The following ADAMTSL1 variants were observed in gnomAD, a reference collection of about 807,000 sequenced individuals.
The protein encoded by ADAMTSL1 is ADAMTS like 1.
In ADAMTSL1, 126 loss-of-function variants were observed where a neutral mutation model predicts 201.8. The observed-to-expected ratio is 0.62, with a 90% confidence interval of 0.54 to 0.72. The LOEUF is 0.72. Ranked by LOEUF, ADAMTSL1 falls within the 30% of genes least tolerant of loss-of-function variation. The probability of loss-of-function intolerance (pLI) is 0.00; values close to 1 mark genes in which losing one functional copy is unlikely to be tolerated. For missense variants in ADAMTSL1, 2,679 were observed against 2,277.8 expected, an observed-to-expected ratio of 1.18 and a Z score of -3.59; for synonymous variants, 1,121 against 903.4, an observed-to-expected ratio of 1.24 and a Z score of -4.32.
At chr9:18,211,566 C>T (rs1361947248) in intron 2 of ADAMTSL1, among the ~76,000 whole-genome samples, 1 of 152,222 alleles carries the variant, frequency 6.6e-6, no homozygotes, top group African/African-American at 2.4e-5. Flanking sequence ...AAATCTTCTG[C>T]TGACAGACCA....
intron 26 of ADAMTSL1, among the ~76,000 whole-genome samples, chr9:18,895,738 G>C (rs762816606): frequency 1.3e-5 from 2 of 152,188 alleles, no homozygotes; most frequent in African/African-American, 4.8e-5. Context: ...CAGCTAATCA[G>C]TGATGGATTG....
intron 4 of ADAMTSL1, 42 bp from the exon 5 acceptor site, chr9:18,622,201 G>A (rs200661501): frequency 5.3e-4 from 846 of 1,602,046 alleles, no homozygotes; most frequent in Non-Finnish European, 6.5e-4. Context: ...TTTTGCCATC[G>A]GTAGGTGCTT....
chr9:18,464,639 T>G (rs1279264405), intron 2 of ADAMTSL1, among the ~76,000 whole-genome samples: 5 of 152,354 alleles, frequency 3.3e-5, no homozygotes, highest in African/African-American at 1.2e-4. Context: ...AAACAATGTT[T>G]TCATCACCAT....
At chr9:18,372,509 G>A (rs1232263436) in intron 2 of ADAMTSL1, among the ~76,000 whole-genome samples, 1 of 152,096 alleles carries the variant, frequency 6.6e-6, no homozygotes, top group East Asian at 1.9e-4. Flanking sequence ...GGGGACAGAG[G>A]CTTCCCCAAG....
rs1206193097 is a variant in ADAMTSL1, at chr9:18,230,638, G to T, written c.207+66657G>T. On this transcript the variant is annotated intron_variant, in intron 2 of 29. Transcript: ENST00000680146. ...AATCTAGAGAAGAATTACTCTAAGA[G>T]GGGTCCTGGGAGCCATATGCATATC... Among the ~76,000 whole-genome samples, 5 of 152,102 alleles carry T rather than the reference G, an allele frequency of 3.3e-5. No individual in the cohort carries two copies. The South Asian group carries it at 8.3e-4, about 25-fold the overall frequency.
intron 3 of ADAMTSL1, among the ~76,000 whole-genome samples, chr9:18,558,960 C>G (rs1821292424): frequency 6.6e-6 from 1 of 152,112 alleles, no homozygotes; most frequent in African/African-American, 2.4e-5. Flanking sequence ...TGTAGGTTGC[C>G]TATTCACCCT....
intron 1 of ADAMTSL1, among the ~76,000 whole-genome samples, chr9:18,069,985 A>G (rs975601762): frequency 6.6e-6 from 1 of 152,156 alleles, no homozygotes; most frequent in African/African-American, 2.4e-5. Context: ...TCATGGGGAG[A>G]TTAGGAATTC....
At chr9:18,534,067 T>C (rs10810982) in intron 3 of ADAMTSL1, among the ~76,000 whole-genome samples, 36,399 of 152,092 alleles carry the variant, frequency 0.24, 4,926 homozygotes, top group East Asian at 0.63. Flanking sequence ...TGAAATATAT[T>C]TTTGAGGTTA....
intron 1 of ADAMTSL1, among the ~76,000 whole-genome samples, chr9:18,121,248 C>T (rs764589105): frequency 1.3e-5 from 2 of 152,114 alleles, no homozygotes; most frequent in Non-Finnish European, 2.9e-5. Context: ...AAAGAGAAAG[C>T]TGTGTGTAAA....
At chr9:18,347,691 T>C (rs999023075) in intron 2 of ADAMTSL1, among the ~76,000 whole-genome samples, 1 of 152,188 alleles carries the variant, frequency 6.6e-6, no homozygotes, top group African/African-American at 2.4e-5. Flanking sequence ...TCCTAGAATA[T>C]TGAACTATTT....
rs769463127 is a variant in ADAMTSL1 at position 18,723,068 on chromosome 9, C to T, written c.2006+1403C>T. 9.0e-6 allele frequency: 7 copies of T among 779,310 alleles called. No homozygotes were observed. In the South Asian group the frequency reaches 9.5e-5, roughly 11 times the overall value. 48.3% of individuals were successfully genotyped at this position (779,310 alleles called of 1,614,324 possible). ...GCCTGCAACGTTCTTTGTTAGGCAA[C>T]CAAGAGGCCTGGCTTCTCATCCTGC... On this transcript the variant is annotated intron_variant, in intron 15 of 28. Coordinates refer to ENST00000380548, the MANE Select transcript of ADAMTSL1 (RefSeq NM_001040272.6).
intron 2 of ADAMTSL1, among the ~76,000 whole-genome samples, chr9:18,375,907 A>ATTGGTG (rs1723949959): frequency 6.6e-6 from 1 of 152,128 alleles, no homozygotes; most frequent in African/African-American, 2.4e-5. Flanking sequence ...CAGAGTGCTG[A>ATTGGTG]TTGGTGTGTT....
intron 2 of ADAMTSL1, among the ~76,000 whole-genome samples, chr9:18,255,736 T>C (rs1831656299): frequency 6.6e-6 from 1 of 152,210 alleles, no homozygotes; most frequent in Admixed American, 6.5e-5. Context: ...TTTATTTGGA[T>C]GCAATTCATC....
In ADAMTSL1 at chr9:18,753,354, C is replaced by A. The variant is rs1458225306; in HGVS notation, c.2063C>A (p.Thr688Asn). 6 of 1,612,380 alleles carry A rather than the reference C, an allele frequency of 3.7e-6. No homozygotes were observed. Among genetic ancestry groups the A allele is most frequent in the Non-Finnish European group, 5.1e-6 (6 of 1,179,382 alleles). ...CSLTCGVGLQTRDVFCSHLLS... is the reference protein window; with the variant it reads ...CSLTCGVGLQNRDVFCSHLLS... ...CTCACATGTGGGGTCGGCCTACAGA[C>A]CAGAGACGTCTTCTGCAGCCACCTG... Residue 688 changes from threonine (T) to asparagine (N), a missense_variant, in exon 16 of 29, where the codon ACC becomes AAC. Transcript: ENST00000380548.
chr9:18,834,062 C>G (rs1389004646), intron 23 of ADAMTSL1, among the ~76,000 whole-genome samples: 1 of 152,062 alleles, frequency 6.6e-6, no homozygotes, highest in Non-Finnish European at 1.5e-5. Context: ...TGTTTTTGTA[C>G]CAGCACCATG....
chr9:18,807,376 A>G (rs983330527), intron 20 of ADAMTSL1, among the ~76,000 whole-genome samples: 11 of 152,228 alleles, frequency 7.2e-5, no homozygotes, highest in South Asian at 2.1e-4. Context: ...CGGGCGCGGT[A>G]GCTCACGCCT....
intron 13 of ADAMTSL1, among the ~76,000 whole-genome samples, chr9:18,688,689 A>AAAAAATATATATATATATAT (rs1554730404): frequency 9.3e-4 from 8 of 8,632 alleles, no homozygotes; most frequent in Admixed American, 2.4e-3. Context: ...AAAAAAAAAA[A>AAAAAATATATATATATATAT]ATATATATAT....
intron 1 of ADAMTSL1, among the ~76,000 whole-genome samples, chr9:18,051,078 G>A (rs980881382): frequency 6.6e-6 from 1 of 152,196 alleles, no homozygotes; most frequent in African/African-American, 2.4e-5. Flanking sequence ...AAGGCGGGCA[G>A]ATCATGAGGT....
At chr9:17,923,613 T>C (rs1223313045) in intron 1 of ADAMTSL1, among the ~76,000 whole-genome samples, 1 of 136,444 alleles carries the variant, frequency 7.3e-6, no homozygotes, top group African/African-American at 2.7e-5. Flanking sequence ...GAATACCCTT[T>C]ATTTCCTTCT....
Sources: gnomAD v4.1 joint callset for allele counts (sites outside exome capture counted in the v4.1 genomes callset) on GRCh38, gnomAD v4.1.1 for gene constraint, MANE v1.5 for transcripts, NCBI Gene and HGNC (gene_info 2026-07-23, HGNC 2026-07-21) for gene names.